CCDC102B: variants seen among roughly 807,000 people sequenced by gnomAD.
CCDC102B encodes the protein coiled-coil domain-containing protein 102B.
In CCDC102B, 75 loss-of-function variants were observed where a neutral mutation model predicts 57.4. The observed-to-expected ratio is 1.31, with a 90% CI of 1.08 to 1.58. The LOEUF is 1.58. Among genes scored for constraint, CCDC102B ranks in the 40% most tolerant of loss-of-function variants. The probability of loss-of-function intolerance (pLI) is 0.00; values close to 1 mark genes in which losing one functional copy is unlikely to be tolerated. For missense variants in CCDC102B, 636 were observed against 582.6 expected (o/e 1.09, Z -0.94); for synonymous variants, 206 against 201.9 (o/e 1.02, Z -0.17).
At chr18:68,741,414 T>A (rs1368259591) in intron 2 of CCDC102B, among the ~76,000 whole-genome samples, 1 of 152,176 alleles carries the variant, frequency 6.6e-6, no homozygotes, top group African/African-American at 2.4e-5. Flanking sequence ...TTGATGCCTC[T>A]GTCACTAAAC....
chr18:68,917,961 A>G (rs1257130534), intron 6 of CCDC102B, among the ~76,000 whole-genome samples: 1 of 152,050 alleles, frequency 6.6e-6, no homozygotes, highest in African/African-American at 2.4e-5. Context: ...TGCCTTATGT[A>G]CACCAAAATA....
At chr18:68,790,761 C>T (rs1349007985) in intron 2 of CCDC102B, among the ~76,000 whole-genome samples, 1 of 152,218 alleles carries the variant, frequency 6.6e-6, no homozygotes, top group Non-Finnish European at 1.5e-5. Context: ...CCTGGTACCT[C>T]AGATGGAAAT....
intron 2 of CCDC102B, among the ~76,000 whole-genome samples, chr18:68,770,744 G>A (rs1032121048): frequency 1.2e-4 from 18 of 152,230 alleles, no homozygotes; most frequent in Admixed American, 1.3e-4. Flanking sequence ...TTATTACAAG[G>A]AAGCCTGTGT....
At chr18:69,007,889 T>C (rs888240890) in intron 6 of CCDC102B, among the ~76,000 whole-genome samples, 2 of 152,240 alleles carry the variant, frequency 1.3e-5, no homozygotes, top group Non-Finnish European at 2.9e-5. Context: ...TGGTCATTCC[T>C]TCCTCTTTCC....
At chr18:69,022,222 T>TATATATATATATATATAA (rs1395799223) in intron 7 of CCDC102B, among the ~76,000 whole-genome samples, 55 of 94,946 alleles carry the variant, frequency 5.8e-4, no homozygotes, top group African/African-American at 8.9e-4. Context: ...TATATATATA[T>TATATATATATATATATAA]AACACACACA....
chr18:69,003,980 T>C (rs1043167138), intron 6 of CCDC102B, among the ~76,000 whole-genome samples: 3 of 152,334 alleles, frequency 2.0e-5, no homozygotes, highest in South Asian at 4.1e-4. Context: ...CTTCTAATTA[T>C]ATACTCACTT....
intron 6 of CCDC102B, among the ~76,000 whole-genome samples, chr18:68,932,589 T>C (rs1220969122): frequency 6.6e-6 from 1 of 151,910 alleles, no homozygotes; most frequent in African/African-American, 2.4e-5. Context: ...ACAAAAATCT[T>C]CTGAAAAAAT....
chr18:69,021,735 G>A (rs2051838696), intron 7 of CCDC102B, among the ~76,000 whole-genome samples: 1 of 152,198 alleles, frequency 6.6e-6, no homozygotes, highest in Admixed American at 6.5e-5. Flanking sequence ...AACTGGAGTA[G>A]ATGGGCAAGG....
chr18:68,941,972 TTGTC>T (rs1375561842), intron 6 of CCDC102B, among the ~76,000 whole-genome samples: 3 of 152,072 alleles, frequency 2.0e-5, no homozygotes, highest in Admixed American at 2.0e-4. Flanking sequence ...GTGCTGGTAA[TTGTC>T]TGCCTCTTGC....
At chr18:68,858,185 G>C (rs1042951137) in intron 4 of CCDC102B, among the ~76,000 whole-genome samples, 1 of 152,150 alleles carries the variant, frequency 6.6e-6, no homozygotes, top group East Asian at 1.9e-4. Flanking sequence ...AGATTAGTTT[G>C]CATTTTCTAG....
At chr18:68,823,907 GT>G (rs1346707752) in intron 1 of CCDC102B, among the ~76,000 whole-genome samples, 2 of 151,702 alleles carry the variant, frequency 1.3e-5, no homozygotes, top group African/African-American at 4.8e-5. Flanking sequence ...GGGGTCATTT[GT>G]TTTCTGCTTG....
chr18:68,857,223 TA>T lies in CCDC102B; in HGVS notation c.936+10803del, dbSNP rs1327712833. On this transcript the variant is annotated intron_variant, in intron 4 of 7. Transcript: ENST00000360242. Reference sequence around the variant, plus strand: ...TATATAATATATAAAAATATATTTATATATTTTTATATATAAATATATATTT... The same window carrying T: ...TATATAATATATAAAAATATATTTATTATTTTTATATATAAATATATATTT... Among the ~76,000 whole-genome samples, 458 of 67,264 alleles carry T rather than the reference TA, an allele frequency of 6.8e-3. 77 individuals carry two copies. Among genetic ancestry groups the T allele is most frequent in the African/African-American group, 0.026 (389 of 15,236 alleles). 44.1% of individuals were successfully genotyped at this position (67,264 alleles called of 152,430 possible).
At chr18:68,773,157 C>T (rs191502754) in intron 2 of CCDC102B, among the ~76,000 whole-genome samples, 1 of 151,832 alleles carries the variant, frequency 6.6e-6, no homozygotes, top group East Asian at 1.9e-4. Context: ...TTGGAAACAA[C>T]ATTTTCAAAA....
rs1599540555 is a variant in CCDC102B at position 68,836,618 on chromosome 18, C to G, written c.-15-131C>G. The G allele has an allele frequency of 6.9e-5, 46 of 667,846 alleles. No homozygotes were observed. The East Asian group carries it at 1.4e-3, about 20-fold the overall frequency. The allele number at this position is 667,846 out of a possible 1,614,324, so 41.4% of individuals were successfully genotyped here. ...ACTCCAGCCTGGTGACAGAGCAAGACTCTGTCAAAAATAAAAAAAAAGCAT... is the reference window on the plus strand; with the variant it reads ...ACTCCAGCCTGGTGACAGAGCAAGAGTCTGTCAAAAATAAAAAAAAAGCAT... On this transcript the variant is annotated intron_variant, in intron 1 of 7. Transcript: ENST00000360242.
intron 7 of CCDC102B, among the ~76,000 whole-genome samples, chr18:69,017,271 A>G (rs2051695938): frequency 6.6e-6 from 1 of 151,906 alleles, no homozygotes; most frequent in African/African-American, 2.4e-5. Flanking sequence ...GCTTGCCACC[A>G]TGCCTGGCTA....
At chr18:68,839,058 A>G in intron 3 of CCDC102B, 132 bp downstream of exon 3, 1 of 774,772 alleles carries the variant, frequency 1.3e-6, no homozygotes, top group East Asian at 2.7e-5. Context: ...GATTTAAAGA[A>G]ATTAGTTTGA....
chr18:68,880,024 G>A (rs2039619573), intron 5 of CCDC102B, among the ~76,000 whole-genome samples: 1 of 152,230 alleles, frequency 6.6e-6, no homozygotes, highest in South Asian at 2.1e-4. Context: ...TGGTCGATGG[G>A]ATTGGGCGCT....
At chr18:68,868,265 C>G (rs60895778) in intron 4 of CCDC102B, among the ~76,000 whole-genome samples, 1 of 151,666 alleles carries the variant, frequency 6.6e-6, no homozygotes, top group African/African-American at 2.4e-5. Flanking sequence ...AGCAAGAGAA[C>G]AAAAGACCAC....
intron 5 of CCDC102B, among the ~76,000 whole-genome samples, chr18:68,892,948 A>T (rs570176848): frequency 8.5e-4 from 130 of 152,274 alleles, no homozygotes; most frequent in African/African-American, 3.0e-3. Context: ...CCTTCTGAAT[A>T]TTTGCAAATC....
Sources: allele counts gnomAD v4.1 joint callset (sites outside exome capture counted in the v4.1 genomes callset), GRCh38; gene constraint gnomAD v4.1.1; transcripts MANE v1.5; gene names NCBI Gene and HGNC (gene_info 2026-07-23, HGNC 2026-07-21).